Variants in PCDHA2 observed in about 807,000 individuals in gnomAD.
The protein encoded by PCDHA2 is protocadherin alpha-2.
In PCDHA2, 58 loss-of-function variants were observed where a neutral mutation model predicts 66.0. That is an observed-to-expected ratio of 0.88 (90% CI 0.71 to 1.09). PCDHA2 has a LOEUF of 1.09. Ranked by LOEUF, PCDHA2 falls within the 50% of genes least tolerant of loss-of-function variation. The pLI is 0.00. For synonymous variants in PCDHA2, 634 were observed against 554.0 expected (o/e 1.14, Z -2.03); for missense variants, 1,267 against 1,242.3 (o/e 1.02, Z -0.30).
In PCDHA2 at chr5:140,850,071, G is replaced by T. The variant is rs2150465789; in HGVS notation, c.2388+52719G>T. The T allele has an allele frequency of 1.4e-5, 22 of 1,596,556 alleles. 5 individuals carry two copies. The highest frequency in any genetic ancestry group is 1.6e-5 in the Non-Finnish European group (19 of 1,167,840). ...GTACGCGCTGCAGCCGTTGGACCAC[G>T]AGGAGCTGGAGCTGCTACAGTTCCA... On this transcript the variant is annotated intron_variant, in intron 1 of 3. Coordinates refer to ENST00000526136, the MANE Select transcript of PCDHA2 (RefSeq NM_018905.3).
At chr5:140,997,911 C>T (rs2097790216) in intron 3 of PCDHA2, among the ~76,000 whole-genome samples, 1 of 152,120 alleles carries the variant, frequency 6.6e-6, no homozygotes, top group East Asian at 1.9e-4. Context: ...AGTAGAATTA[C>T]AGAATCATAG....
At chr5:140,980,397 C>T (rs888776890) in intron 2 of PCDHA2, among the ~76,000 whole-genome samples, 3 of 152,100 alleles carry the variant, frequency 2.0e-5, no homozygotes, top group South Asian at 2.1e-4. Context: ...TTTGGGAGGC[C>T]GAGGTGGGCA....
intron 1 of PCDHA2, among the ~76,000 whole-genome samples, chr5:140,827,038 T>C (rs1400929432): frequency 2.6e-5 from 4 of 152,214 alleles, no homozygotes; most frequent in African/African-American, 9.6e-5. Context: ...AAAATTTGAA[T>C]TTGGGGATTA....
chr5:140,805,790 A>G (rs1344400107), intron 1 of PCDHA2: 5 of 177,994 alleles, frequency 2.8e-5, no homozygotes, highest in African/African-American at 1.2e-4. Flanking sequence ...CTTTTTTTGT[A>G]TCTTTAGAAA....
rs781784518 is a variant in PCDHA2, at chr5:140,857,448, A to G, written c.2388+60096A>G. The G allele has an allele frequency of 6.3e-7, 1 of 1,597,896 alleles. No homozygotes were observed. Among genetic ancestry groups the G allele is most frequent in the Non-Finnish European group, 8.6e-7 (1 of 1,167,724 alleles). ...TACACGGTGTTCGTGAAGGAGAACA[A>G]CCCGCCAGGCTGCCACATCTTCACG... On this transcript the variant is annotated intron_variant, in intron 1 of 3. Coordinates refer to ENST00000526136, the MANE Select transcript of PCDHA2 (RefSeq NM_018905.3).
chr5:140,842,789 G>T (rs1554139384), intron 1 of PCDHA2: 1 of 1,594,392 alleles, frequency 6.3e-7, no homozygotes, highest in African/African-American at 1.3e-5. Context: ...GAACGCGCTG[G>T]TGTCCTACTC....
intron 1 of PCDHA2, chr5:140,835,610 G>A (rs2150239462): frequency 1.9e-6 from 3 of 1,613,948 alleles, no homozygotes; most frequent in Non-Finnish European, 2.5e-6. Context: ...CATTGGTGCT[G>A]GACAGCGCTC....
At chr5:140,854,018 C>T (rs1041101905) in intron 1 of PCDHA2, 6 of 346,140 alleles carry the variant, frequency 1.7e-5, no homozygotes, top group East Asian at 1.7e-4. Context: ...AAAAATTAGC[C>T]GGGCATGGTG....
chr5:140,886,927 G>T (rs1191029252), intron 1 of PCDHA2, among the ~76,000 whole-genome samples: 1 of 151,236 alleles, frequency 6.6e-6, no homozygotes, highest in Non-Finnish European at 1.5e-5. Flanking sequence ...TTCTCTATGT[G>T]CCAGGCATGT....
chr5:141,003,469 A>G (rs536017033), intron 3 of PCDHA2, among the ~76,000 whole-genome samples: 53 of 152,106 alleles, frequency 3.5e-4, no homozygotes, highest in Admixed American at 2.3e-3. Flanking sequence ...GCACCACCAC[A>G]GTCTCGCTAA....
intron 1 of PCDHA2, chr5:140,803,060 G>A (rs782445556): frequency 6.2e-7 from 1 of 1,613,976 alleles, no homozygotes; most frequent in Admixed American, 1.7e-5. Flanking sequence ...CGCGCATCCC[G>A]TTTCGCGTGG....
rs201762893 is a variant in PCDHA2, at chr5:140,829,796, C to G, written c.2388+32444C>G. The stretch of plus-strand genomic sequence containing the variant: ...CAACGCGCCGGCGCTGCTGGCGCCT[C>G]GGGTGGGTGGTACTGGTGGTGCAGT... On this transcript the variant is annotated intron_variant, in intron 1 of 3. Transcript: ENST00000526136. The G allele has an allele frequency of 6.8e-4, 1,090 of 1,613,774 alleles. 9 individuals carry two copies. Among genetic ancestry groups the G allele is most frequent in the East Asian group, 3.1e-4 (14 of 44,862 alleles).
chr5:140,839,198 C>T (rs1030704020), intron 1 of PCDHA2, among the ~76,000 whole-genome samples: 23 of 106,832 alleles, frequency 2.2e-4, no homozygotes, highest in Non-Finnish European at 4.1e-4. Flanking sequence ...CTATAAATAT[C>T]TTTGACCTTC....
intron 1 of PCDHA2, chr5:140,809,377 C>T (rs370062696): frequency 7.9e-5 from 128 of 1,613,896 alleles, no homozygotes; most frequent in Non-Finnish European, 9.8e-5. Context: ...CCACCGAGGG[C>T]GCGTGCGCTC....
In PCDHA2 at chr5:140,848,765, C is replaced by A; in HGVS notation, c.2388+51413C>A. ...GCATTTTGTTTGTGAATTCTCGGAT[C>A]GACCGCGAGGAGCTGTGCGGGCGGA... On this transcript the variant is annotated intron_variant, in intron 1 of 3. Coordinates refer to ENST00000526136, the MANE Select transcript of PCDHA2 (RefSeq NM_018905.3). 3.8e-6 allele frequency: 6 copies of A among 1,593,356 alleles called. 1 individual carries two copies. The highest frequency in any genetic ancestry group is 2.2e-5 in the South Asian group (2 of 90,232).
chr5:140,933,413 T>A (rs2089136962), intron 1 of PCDHA2, among the ~76,000 whole-genome samples: 3 of 152,056 alleles, frequency 2.0e-5, no homozygotes, highest in Non-Finnish European at 4.4e-5. Flanking sequence ...TCTACAGATA[T>A]TCTGTGTTCA....
chr5:140,922,409 C>A (rs1335922543), intron 1 of PCDHA2, among the ~76,000 whole-genome samples: 2 of 152,154 alleles, frequency 1.3e-5, no homozygotes, highest in Non-Finnish European at 2.9e-5. Context: ...TTAAAAAGAT[C>A]TAGGTACAGA....
At chr5:140,980,722 A>G (rs1318137295) in intron 2 of PCDHA2, among the ~76,000 whole-genome samples, 1 of 152,356 alleles carries the variant, frequency 6.6e-6, no homozygotes, top group South Asian at 2.1e-4. Context: ...TCGGGTTTCA[A>G]TTAAGATATT....
chr5:140,822,877 A>G (rs1554128927), intron 1 of PCDHA2: 3 of 1,614,078 alleles, frequency 1.9e-6, no homozygotes, highest in African/African-American at 1.3e-5. Flanking sequence ...CAGCACGGTC[A>G]TTGCTCTGAT....
Sources: allele counts gnomAD v4.1 joint callset (sites outside exome capture counted in the v4.1 genomes callset), GRCh38; gene constraint gnomAD v4.1.1; transcripts MANE v1.5; gene names NCBI Gene and HGNC (gene_info 2026-07-23, HGNC 2026-07-21).